The following RMDN1 variants were observed in gnomAD, a reference collection of about 807,000 sequenced individuals.
The protein encoded by RMDN1 is regulator of microtubule dynamics protein 1.
Under a neutral mutation model 48.9 loss-of-function variants are expected in RMDN1, and 48 were observed. That is an observed-to-expected ratio of 0.98 (90% CI 0.78 to 1.25). RMDN1 has a LOEUF of 1.25. RMDN1 is among the 50% of genes most tolerant of loss of function. The probability of loss-of-function intolerance (pLI) is 0.00; values close to 1 mark genes in which losing one functional copy is unlikely to be tolerated. For synonymous variants in RMDN1, 148 were observed against 132.6 expected (o/e 1.12, Z -0.80); for missense variants, 418 against 373.4 (o/e 1.12, Z -0.98).
chr8:86,482,969 G>A (rs1814806434), intron 5 of RMDN1: 5 of 730,060 alleles, frequency 6.8e-6, no homozygotes, highest in Non-Finnish European at 1.2e-5. Context: ...GACTGTGGCA[G>A]CCGCACTCGC....
chr8:86,488,657 GA>G lies in RMDN1; in HGVS notation c.248-19del. 2 of 1,560,918 alleles carry G rather than the reference GA, an allele frequency of 1.3e-6. No homozygotes were observed. The highest frequency in any genetic ancestry group is 1.4e-5 in the African/African-American group (1 of 73,172). On this transcript the variant is annotated intron_variant, in intron 2 of 9. Transcript: ENST00000406452. ...TTCTTCAACTTCAAAGATTATAAAG[GA>G]AAAAAGACACAATAAAATAGGTCTT... is the stretch of plus-strand genomic sequence containing the variant.
upstream of RMDN1, among the ~76,000 whole-genome samples, chr8:86,513,363 G>A (rs1455656815): frequency 2.0e-5 from 3 of 152,044 alleles, no homozygotes; most frequent in African/African-American, 4.8e-5. Flanking sequence ...CAACAAGAGC[G>A]AAACTGCGTC....
intron 2 of RMDN1, among the ~76,000 whole-genome samples, chr8:86,500,339 A>AAAAAC (rs1328050197): frequency 6.6e-6 from 1 of 152,106 alleles, no homozygotes; most frequent in Non-Finnish European, 1.5e-5. Flanking sequence ...TGAACAAGCA[A>AAAAAC]AAAACAATCC....
chr8:86,506,195 G>T (rs543720420), intron 2 of RMDN1, among the ~76,000 whole-genome samples: 1 of 152,350 alleles, frequency 6.6e-6, no homozygotes, highest in South Asian at 2.1e-4. Context: ...GTTCTTGGTA[G>T]AGATTCATTA....
At chr8:86,510,543 G>A (rs1819995927), upstream of RMDN1, among the ~76,000 whole-genome samples, 1 of 151,976 alleles carries the variant, frequency 6.6e-6, no homozygotes, top group Non-Finnish European at 1.5e-5. Context: ...TTGAACTTTT[G>A]GGCTGAAGAA....
Position 86,473,984 on chromosome 8 carries a change from C to T in RMDN1, c.*324G>A. 9.4e-7 allele frequency: 1 copy of T among 1,068,180 alleles called. No homozygotes were observed. The highest frequency in any genetic ancestry group is 1.1e-6 in the Non-Finnish European group (1 of 882,270). 66.2% of individuals were successfully genotyped at this position (1,068,180 alleles called of 1,614,324 possible). ...TATATCCCCTATAGATCCATTTCCC[C>T]TCCTCTACAAATATTTCTTTGCTTG... On this transcript the variant is annotated 3_prime_UTR_variant, in exon 10 of 10. Coordinates refer to ENST00000406452, the MANE Select transcript of RMDN1 (RefSeq NM_016033.3).
chr8:86,502,815 T>C (rs917942733), intron 2 of RMDN1, among the ~76,000 whole-genome samples: 2 of 152,212 alleles, frequency 1.3e-5, no homozygotes, highest in Non-Finnish European at 2.9e-5. Flanking sequence ...TTGTGAGCCA[T>C]ACATGGTCTC....
At chr8:86,469,710 T>C (rs115260449), downstream of RMDN1, among the ~76,000 whole-genome samples, 111 of 152,288 alleles carry the variant, frequency 7.3e-4, no homozygotes, top group African/African-American at 2.6e-3. Context: ...AATACACAAC[T>C]AAAAGTTCTC....
At position 86,508,588 on chromosome 8, in the gene RMDN1, C is replaced by T. The variant is rs780161326; in HGVS notation, c.33G>A (p.Leu11=). Residue 11 remains leucine, a synonymous_variant, in exon 1 of 10, where the codon CTG becomes CTA. Transcript: ENST00000406452. The stretch of plus-strand genomic sequence containing the variant: ...CCGGGGCGGCTCCACGTCGGAAAGG[C>T]AGAAGGCGCCACAGTCGAGCAGCCA... The part of the protein sequence containing the change: MALAARLWRL[L]PFRRGAAPGS... 7 of 1,605,062 alleles carry T rather than the reference C, an allele frequency of 4.4e-6. No homozygotes were observed. The highest frequency in any genetic ancestry group is 5.9e-6 in the Non-Finnish European group (7 of 1,177,144).
At chr8:86,498,993 G>A (rs1817800240) in intron 2 of RMDN1, among the ~76,000 whole-genome samples, 2 of 152,014 alleles carry the variant, frequency 1.3e-5, no homozygotes, top group African/African-American at 4.8e-5. Flanking sequence ...AAAAGACACA[G>A]AAAAGGCTTT....
intron 5 of RMDN1, among the ~76,000 whole-genome samples, chr8:86,483,437 T>A (rs1814908978): frequency 6.6e-6 from 1 of 152,162 alleles, no homozygotes; most frequent in South Asian, 2.1e-4. Flanking sequence ...TTTCCCTGAA[T>A]CTAAAATATC....
intron 2 of RMDN1, among the ~76,000 whole-genome samples, chr8:86,497,495 G>A (rs959754367): frequency 2.0e-5 from 3 of 152,064 alleles, no homozygotes; most frequent in Non-Finnish European, 4.4e-5. Context: ...GAGGTCAGGA[G>A]TTCGAGACCA....
rs899520281 is a variant in RMDN1, at chr8:86,498,773, C to A, written c.247+8222G>T. Among the ~76,000 whole-genome samples, 3 of 151,926 alleles carry A rather than the reference C, an allele frequency of 2.0e-5. No individual in the cohort carries two copies. The South Asian group carries it at 6.2e-4, about 32-fold the overall frequency. Reference sequence around the variant, plus strand: ...TCCAGCATGGGTGACAGAGTGAGACCCTGTCTTAAGAAAAAGAAAAAAGAA... The same window carrying A: ...TCCAGCATGGGTGACAGAGTGAGACACTGTCTTAAGAAAAAGAAAAAAGAA... On this transcript the variant is annotated intron_variant, in intron 2 of 9. Transcript: ENST00000406452.
intron 6 of RMDN1, 133 bp from the exon 7 acceptor site, chr8:86,479,143 A>G (rs1253868934): frequency 6.3e-6 from 4 of 634,272 alleles, no homozygotes; most frequent in Non-Finnish European, 8.3e-6. Context: ...CATGATATCT[A>G]CTAGGTAATC....
At chr8:86,477,192 T>G in intron 8 of RMDN1, 102 bp downstream of exon 8, 1 of 778,344 alleles carries the variant, frequency 1.3e-6, no homozygotes, top group Non-Finnish European at 2.0e-6. Flanking sequence ...CAAAAATAAG[T>G]ATAACAGAAT....
chr8:86,498,507 G>C (rs1160925942), intron 2 of RMDN1, among the ~76,000 whole-genome samples: 1 of 152,110 alleles, frequency 6.6e-6, no homozygotes, highest in African/African-American at 2.4e-5. Context: ...GGCTGGGCAT[G>C]GTGGCTCATG....
chr8:86,475,964 A>G (rs1192465837), intron 8 of RMDN1, among the ~76,000 whole-genome samples: 1 of 152,206 alleles, frequency 6.6e-6, no homozygotes, highest in Non-Finnish European at 1.5e-5. Flanking sequence ...ACATCTTCTC[A>G]GAATGTACAG....
intron 6 of RMDN1, 51 bp from the exon 7 acceptor site, chr8:86,479,061 CTTAAAG>C (rs760054026): frequency 7.4e-7 from 1 of 1,356,256 alleles, no homozygotes; most frequent in South Asian, 1.2e-5. Context: ...CTTCTTTTCT[CTTAAAG>C]TTAACTAAGC....
chr8:86,468,517 GTTAAGTATTAGAA>G, downstream of RMDN1: 1 of 412,152 alleles, frequency 2.4e-6, no homozygotes, highest in East Asian at 7.1e-5. Context: ...CCATAAAAGA[GTTAAGTATTAGAA>G]TTACAAATGG....
Sources: gnomAD v4.1 joint callset for allele counts (sites outside exome capture counted in the v4.1 genomes callset) on GRCh38, gnomAD v4.1.1 for gene constraint, MANE v1.5 for transcripts, NCBI Gene and HGNC (gene_info 2026-07-23, HGNC 2026-07-21) for gene names.